ADAMTS17: variants seen among roughly 807,000 people sequenced by gnomAD.
ADAMTS17 encodes the protein ADAM metallopeptidase with thrombospondin type 1 motif 17.
In ADAMTS17, 113 loss-of-function variants were observed where a neutral mutation model predicts 141.5. The ratio of observed to expected loss-of-function variants is 0.80; its 90% CI spans 0.69 to 0.93. ADAMTS17 has a LOEUF of 0.93. Among genes scored for constraint, ADAMTS17 ranks in the 40% least tolerant of loss-of-function variants. The pLI is 0.00. For synonymous variants in ADAMTS17, 768 were observed against 630.6 expected, an observed-to-expected ratio of 1.22 and a Z score of -3.27; for missense variants, 1,659 against 1,517.9, an observed-to-expected ratio of 1.09 and a Z score of -1.54.
At chr15:100,133,365 A>AG (rs1161525989) in intron 10 of ADAMTS17, 50 bp from the exon 11 acceptor site, 1 of 1,526,272 alleles carries the variant, frequency 6.6e-7, no homozygotes, top group African/African-American at 1.4e-5. Context: ...CCACACTCAC[A>AG]GGTCACAGCT....
chr15:100,250,510 T>C lies in ADAMTS17; in HGVS notation c.1075+3626A>G, dbSNP rs2043120950. Reference sequence around the variant, plus strand: ...TATTGGGATGAGAAAATCATAAAGATGGAATACAGATAAATGGGTGCCAGT... The same window carrying C: ...TATTGGGATGAGAAAATCATAAAGACGGAATACAGATAAATGGGTGCCAGT... On this transcript the variant is annotated intron_variant, in intron 7 of 21. Coordinates refer to ENST00000268070, the MANE Select transcript of ADAMTS17 (RefSeq NM_139057.4). Among the ~76,000 whole-genome samples, 3 of 152,116 alleles carry C rather than the reference T, an allele frequency of 2.0e-5. No homozygotes were observed. The South Asian group carries it at 6.2e-4, about 32-fold the overall frequency.
At chr15:100,240,880 C>A (rs2042808871) in intron 7 of ADAMTS17, among the ~76,000 whole-genome samples, 1 of 152,194 alleles carries the variant, frequency 6.6e-6, no homozygotes, top group Non-Finnish European at 1.5e-5. Flanking sequence ...AGCTGGAGTG[C>A]AGTGACAGGA....
At chr15:100,141,267 C>T (rs1179797466) in intron 10 of ADAMTS17, among the ~76,000 whole-genome samples, 1 of 152,194 alleles carries the variant, frequency 6.6e-6, no homozygotes, top group Non-Finnish European at 1.5e-5. Context: ...TCAGATGGCA[C>T]CATTGCTCAC....
chr15:100,192,606 A>C (rs931786226), intron 8 of ADAMTS17, among the ~76,000 whole-genome samples: 1 of 152,206 alleles, frequency 6.6e-6, no homozygotes, highest in Non-Finnish European at 1.5e-5. Context: ...CATTTGAGGC[A>C]AGAGCAGCCA....
intron 8 of ADAMTS17, among the ~76,000 whole-genome samples, chr15:100,187,865 A>C (rs1244515533): frequency 1.3e-5 from 2 of 152,246 alleles, no homozygotes; most frequent in Non-Finnish European, 2.9e-5. Context: ...AAAAAAGGCA[A>C]GAGAGCAAAG....
chr15:100,339,639 CCA>C, intron 2 of ADAMTS17, among the ~76,000 whole-genome samples: 2 of 110,586 alleles, frequency 1.8e-5, no homozygotes, highest in East Asian at 4.3e-4. Context: ...ATTCCCCGCC[CCA>C]GGTCCACATT....
intron 7 of ADAMTS17, among the ~76,000 whole-genome samples, chr15:100,228,079 A>G (rs2042365666): frequency 6.6e-6 from 1 of 152,100 alleles, no homozygotes; most frequent in African/African-American, 2.4e-5. Flanking sequence ...ATTTCTCACT[A>G]CTGGGCCTCC....
At position 100,100,160 on chromosome 15, in the gene ADAMTS17, G is replaced by A. The variant is rs570920136; in HGVS notation, c.2017-3684C>T. Reference sequence around the variant, plus strand: ...GTAAGATGGAGGGAGACGCCAGTGCGGAAACAAGCAGACACCCCAGAGTGT... The same window carrying A: ...GTAAGATGGAGGGAGACGCCAGTGCAGAAACAAGCAGACACCCCAGAGTGT... On this transcript the variant is annotated intron_variant, in intron 14 of 21. Coordinates refer to ENST00000268070, the MANE Select transcript of ADAMTS17 (RefSeq NM_139057.4). 1.4e-4 allele frequency among the ~76,000 whole-genome samples: 21 copies of A among 152,208 alleles called. 1 individual carries two copies. Among genetic ancestry groups the A allele is most frequent in the East Asian group, 1.4e-3 (7 of 5,180 alleles).
At chr15:100,033,557 C>T (rs1009088257) in intron 18 of ADAMTS17, among the ~76,000 whole-genome samples, 25 of 152,204 alleles carry the variant, frequency 1.6e-4, no homozygotes, top group African/African-American at 6.0e-4. Flanking sequence ...TTCTGCCTGT[C>T]TCACGTCATC....
intron 7 of ADAMTS17, among the ~76,000 whole-genome samples, chr15:100,250,218 C>T (rs1246378454): frequency 6.6e-6 from 1 of 152,164 alleles, no homozygotes; most frequent in Non-Finnish European, 1.5e-5. Context: ...TATATGTGAG[C>T]TGCACCCTAA....
At chr15:99,999,069 C>A (rs889004529) in intron 18 of ADAMTS17, among the ~76,000 whole-genome samples, 2 of 152,170 alleles carry the variant, frequency 1.3e-5, no homozygotes, top group Non-Finnish European at 2.9e-5. Flanking sequence ...AGCTGTCTCT[C>A]GCTTTCCGGT....
intron 7 of ADAMTS17, among the ~76,000 whole-genome samples, chr15:100,204,820 A>T (rs1021081466): frequency 4.6e-5 from 7 of 152,170 alleles, no homozygotes; most frequent in African/African-American, 1.7e-4. Context: ...AGGGGCTGGG[A>T]GTGAGGTAAG....
At chr15:100,307,529 C>T (rs1003069563) in intron 3 of ADAMTS17, among the ~76,000 whole-genome samples, 1 of 152,240 alleles carries the variant, frequency 6.6e-6, no homozygotes, top group Non-Finnish European at 1.5e-5. Flanking sequence ...GCTTTTCACA[C>T]GAGTCAATAA....
At chr15:100,314,387 T>C (rs576386826) in intron 3 of ADAMTS17, among the ~76,000 whole-genome samples, 1 of 152,150 alleles carries the variant, frequency 6.6e-6, no homozygotes, top group Non-Finnish European at 1.5e-5. Context: ...CTAAGAAAAT[T>C]TGTATGTATA....
intron 13 of ADAMTS17, among the ~76,000 whole-genome samples, chr15:100,109,756 A>T (rs766023092): frequency 6.6e-6 from 1 of 151,782 alleles, no homozygotes; most frequent in Non-Finnish European, 1.5e-5. Context: ...AAAACACATG[A>T]CCTCCCAGAA....
At chr15:100,171,730 G>A (rs977324185) in intron 8 of ADAMTS17, among the ~76,000 whole-genome samples, 2 of 152,122 alleles carry the variant, frequency 1.3e-5, no homozygotes, top group African/African-American at 4.8e-5. Flanking sequence ...CACCTCAATG[G>A]CCCAGAACCT....
At chr15:100,013,796 T>C (rs1229302701) in intron 18 of ADAMTS17, among the ~76,000 whole-genome samples, 1 of 152,230 alleles carries the variant, frequency 6.6e-6, no homozygotes, top group African/African-American at 2.4e-5. Context: ...TTGTATTTTG[T>C]TAAGGATTTT....
intron 3 of ADAMTS17, among the ~76,000 whole-genome samples, chr15:100,303,224 A>G (rs977613165): frequency 6.8e-6 from 1 of 147,474 alleles, no homozygotes; most frequent in Non-Finnish European, 1.5e-5. Flanking sequence ...TGTAACATAT[A>G]TATTATATAT....
intron 7 of ADAMTS17, among the ~76,000 whole-genome samples, chr15:100,252,280 T>C (rs897274503): frequency 6.6e-6 from 1 of 152,226 alleles, no homozygotes; most frequent in Non-Finnish European, 1.5e-5. Context: ...TCCCTTCACC[T>C]GCATTCATTC....
Sources: gnomAD v4.1 joint callset for allele counts (sites outside exome capture counted in the v4.1 genomes callset) on GRCh38, gnomAD v4.1.1 for gene constraint, MANE v1.5 for transcripts, NCBI Gene and HGNC (gene_info 2026-07-23, HGNC 2026-07-21) for gene names.